Variants in PELI2 observed in about 807,000 individuals in gnomAD.
PELI2 encodes the protein E3 ubiquitin-protein ligase pellino homolog 2.
Under a neutral mutation model 42.3 loss-of-function variants are expected in PELI2, and 23 were observed. That is an observed-to-expected ratio of 0.54 (90% CI 0.39 to 0.77). The LOEUF (loss-of-function observed/expected upper bound fraction) is 0.77, where lower values mean the gene tolerates loss of function less well. Ranked by LOEUF, PELI2 falls within the 30% of genes least tolerant of loss-of-function variation. The probability of loss-of-function intolerance (pLI) is 0.00; values close to 1 mark genes in which losing one functional copy is unlikely to be tolerated. For missense variants in PELI2, 463 were observed against 553.2 expected (o/e 0.84, Z 1.64); for synonymous variants, 245 against 212.2 (o/e 1.15, Z -1.34).
intron 1 of PELI2, among the ~76,000 whole-genome samples, chr14:56,168,267 C>G (rs1347991489): frequency 1.3e-5 from 2 of 152,196 alleles, no homozygotes; most frequent in African/African-American, 2.4e-5. Context: ...CAGCGTGCCC[C>G]CCCCCAGACC....
chr14:56,134,947 T>C (rs1306991857), intron 1 of PELI2, among the ~76,000 whole-genome samples: 1 of 152,216 alleles, frequency 6.6e-6, no homozygotes, highest in Non-Finnish European at 1.5e-5. Context: ...TAATCTAGTT[T>C]TTATAGGGAC....
chr14:56,153,525 G>A (rs1056527492), intron 1 of PELI2, among the ~76,000 whole-genome samples: 1 of 152,096 alleles, frequency 6.6e-6, no homozygotes, highest in African/African-American at 2.4e-5. Context: ...AGACTGAAAT[G>A]TTTTCAAAAG....
chr14:56,194,593 C>G (rs1417960662), intron 2 of PELI2, among the ~76,000 whole-genome samples: 1 of 152,148 alleles, frequency 6.6e-6, no homozygotes, highest in Non-Finnish European at 1.5e-5. Context: ...CACTTAAGTG[C>G]TAAATATACT....
chr14:56,209,516 G>A (rs1886639588), intron 2 of PELI2, among the ~76,000 whole-genome samples: 2 of 148,222 alleles, frequency 1.3e-5, no homozygotes, highest in Non-Finnish European at 3.0e-5. Flanking sequence ...TTTTCATTTT[G>A]GAAAATAGGT....
intron 1 of PELI2, among the ~76,000 whole-genome samples, chr14:56,157,561 T>C (rs886334146): frequency 6.6e-6 from 1 of 152,352 alleles, no homozygotes; most frequent in South Asian, 2.1e-4. Flanking sequence ...TCAGGGGTAA[T>C]TGAACAAAGC....
intron 2 of PELI2, among the ~76,000 whole-genome samples, chr14:56,201,886 TTAA>T (rs1367156837): frequency 1.3e-5 from 2 of 152,362 alleles, no homozygotes; most frequent in South Asian, 2.1e-4. Context: ...TACAATAATA[TTAA>T]TAATAACTCA....
At chr14:56,214,856 G>A (rs11851027) in intron 2 of PELI2, among the ~76,000 whole-genome samples, 61,272 of 152,078 alleles carry the variant, frequency 0.4, 13,076 homozygotes, top group South Asian at 0.53. Context: ...CCACAGCCTC[G>A]GGAGAAATGA....
At chr14:56,181,168 T>C (rs372004018) in intron 2 of PELI2, among the ~76,000 whole-genome samples, 1 of 152,122 alleles carries the variant, frequency 6.6e-6, no homozygotes, top group African/African-American at 2.4e-5. Flanking sequence ...TATACTTCCT[T>C]ATCTCTTATC....
chr14:56,195,838 C>G (rs1045851290), intron 2 of PELI2, among the ~76,000 whole-genome samples: 3 of 152,182 alleles, frequency 2.0e-5, no homozygotes, highest in African/African-American at 7.2e-5. Flanking sequence ...GGGCCCCAGT[C>G]TCAGAGGCTG....
chr14:56,289,575 G>A (rs2073657095), intron 4 of PELI2, among the ~76,000 whole-genome samples: 1 of 152,118 alleles, frequency 6.6e-6, no homozygotes, highest in Non-Finnish European at 1.5e-5. Flanking sequence ...AGAGGGCTGG[G>A]AGTGTCATGT....
chr14:56,272,151 T>G (rs1370789937), intron 2 of PELI2, among the ~76,000 whole-genome samples: 1 of 152,198 alleles, frequency 6.6e-6, no homozygotes, highest in East Asian at 1.9e-4. Flanking sequence ...TTCATTTGAT[T>G]TAGCCAGACT....
At chr14:56,214,098 C>G (rs1339929076) in intron 2 of PELI2, among the ~76,000 whole-genome samples, 1 of 152,150 alleles carries the variant, frequency 6.6e-6, no homozygotes, top group Non-Finnish European at 1.5e-5. Context: ...ATGGATCCGC[C>G]CACCTTGGCC....
intron 1 of PELI2, among the ~76,000 whole-genome samples, chr14:56,129,662 C>A (rs921642644): frequency 6.6e-6 from 1 of 152,178 alleles, no homozygotes; most frequent in African/African-American, 2.4e-5. Context: ...GCTAGGGGAT[C>A]GCCCTCAGGA....
At chr14:56,271,190 A>G (rs1320037681) in intron 2 of PELI2, among the ~76,000 whole-genome samples, 1 of 152,166 alleles carries the variant, frequency 6.6e-6, no homozygotes, top group Admixed American at 6.5e-5. Context: ...AGATGGTAAA[A>G]TCATTCAGCA....
rs544476080 is a variant in PELI2, at chr14:56,235,886, C to A, written c.208-43790C>A. On this transcript the variant is annotated intron_variant, in intron 2 of 5. Transcript: ENST00000267460. ...ATTTAGGTACAAAGGCATAACCTAG[C>A]TGGTGAGGTTAGATTTCCACTGAGT... 1.6e-4 allele frequency among the ~76,000 whole-genome samples: 25 copies of A among 152,274 alleles called. No homozygotes were observed. The East Asian group carries it at 3.1e-3, about 19-fold the overall frequency.
intron 1 of PELI2, among the ~76,000 whole-genome samples, chr14:56,155,015 T>C (rs1249053409): frequency 2.0e-5 from 3 of 152,232 alleles, no homozygotes; most frequent in Admixed American, 1.3e-4. Flanking sequence ...GCCATTGTTA[T>C]ATTTTTTCTG....
intron 2 of PELI2, among the ~76,000 whole-genome samples, chr14:56,208,497 A>T (rs568148994): frequency 6.6e-6 from 1 of 152,328 alleles, no homozygotes; most frequent in South Asian, 2.1e-4. Flanking sequence ...TGACATTTGC[A>T]CTAATGATGC....
chr14:56,234,255 A>G (rs1566654672), intron 2 of PELI2, among the ~76,000 whole-genome samples: 1 of 152,252 alleles, frequency 6.6e-6, no homozygotes, highest in South Asian at 2.1e-4. Context: ...TACTGGGTAT[A>G]TACCCAAAGG....
At chr14:56,147,423 A>T (rs1254630085) in intron 1 of PELI2, among the ~76,000 whole-genome samples, 1 of 152,194 alleles carries the variant, frequency 6.6e-6, no homozygotes, top group African/African-American at 2.4e-5. Context: ...GGGGAACAGC[A>T]GCACATGTAC....
Sources: allele counts gnomAD v4.1 joint callset (sites outside exome capture counted in the v4.1 genomes callset), GRCh38; gene constraint gnomAD v4.1.1; transcripts MANE v1.5; gene names NCBI Gene and HGNC (gene_info 2026-07-23, HGNC 2026-07-21).